CPM: variants seen among roughly 807,000 people sequenced by gnomAD.
The protein encoded by CPM is carboxypeptidase M, also known as renal carboxypeptidase.
CPM carries 35 observed loss-of-function variants against 46.4 expected under a neutral mutation model. The ratio of observed to expected loss-of-function variants is 0.75; its 90% CI spans 0.58 to 1.00. The LOEUF (loss-of-function observed/expected upper bound fraction) is 1.00. Among genes scored for constraint, CPM ranks in the 50% least tolerant of loss-of-function variants. The pLI, the probability that CPM is intolerant of heterozygous loss-of-function variation, is 0.00. For missense variants in CPM, 422 were observed against 530.4 expected (o/e 0.80, Z 2.01); for synonymous variants, 195 against 195.3 (o/e 1.00, Z 0.01).
intron 3 of CPM, among the ~76,000 whole-genome samples, chr12:68,876,325 A>G (rs1332764445): frequency 6.6e-6 from 1 of 152,228 alleles, no homozygotes; most frequent in Non-Finnish European, 1.5e-5. Flanking sequence ...CAGTTAAACA[A>G]AATCCTCCTT....
chr12:68,913,739 C>A (rs73146655), intron 2 of CPM: 52,813 of 430,228 alleles, frequency 0.12, 3,443 homozygotes, highest in African/African-American at 0.16. Flanking sequence ...AGGCTACTCA[C>A]TGCTGGTAGT....
rs139934759 is a variant in CPM at position 68,859,991 on chromosome 12, C to T, written c.941-920G>A. ...GCTACAATAGTAAGATGATCTTGAA[C>T]TCTCCCCAAACAGTTATGCTCAATA... On this transcript the variant is annotated intron_variant, in intron 7 of 8. Transcript: ENST00000551568. 6.0e-3 allele frequency among the ~76,000 whole-genome samples: 920 copies of T among 152,268 alleles called. 8 individuals carry two copies. The highest frequency in any genetic ancestry group is 0.021 in the African/African-American group (887 of 41,544).
chr12:68,877,765 T>C (rs1886023175), intron 3 of CPM, among the ~76,000 whole-genome samples: 1 of 152,182 alleles, frequency 6.6e-6, no homozygotes, highest in Non-Finnish European at 1.5e-5. Context: ...AGCTTTAATG[T>C]TGTGTTTTGG....
chr12:68,947,934 C>T (rs937367286), intron 1 of CPM, among the ~76,000 whole-genome samples: 3 of 152,130 alleles, frequency 2.0e-5, no homozygotes, highest in Admixed American at 6.5e-5. Context: ...CATACCCACT[C>T]GCCAAACAGC....
rs1224834009 is a variant in CPM at position 68,852,204 on chromosome 12, T to C, written c.*4233A>G. On this transcript the variant is annotated 3_prime_UTR_variant, in exon 9 of 9. Transcript: ENST00000551568. Reference sequence around the variant, plus strand: ...CATTTCAGATACATCCAACAGTTCATGTCTGAATGTAATTAAGCATCCAAA... The same window carrying C: ...CATTTCAGATACATCCAACAGTTCACGTCTGAATGTAATTAAGCATCCAAA... 1.3e-5 allele frequency: 2 copies of C among 152,258 alleles called. No homozygotes were observed. Among genetic ancestry groups the C allele is most frequent in the Non-Finnish European group, 2.9e-5 (2 of 68,044 alleles). 9.4% of individuals were successfully genotyped at this position (152,258 alleles called of 1,614,324 possible).
intron 3 of CPM, among the ~76,000 whole-genome samples, chr12:68,879,015 C>G (rs1886076786): frequency 6.6e-6 from 1 of 152,040 alleles, no homozygotes; most frequent in African/African-American, 2.4e-5. Context: ...CTGTGGGACC[C>G]CATCTCTACA....
intron 1 of CPM, among the ~76,000 whole-genome samples, chr12:68,946,928 C>CA (rs1888857576): frequency 6.6e-6 from 1 of 152,168 alleles, no homozygotes; most frequent in Non-Finnish European, 1.5e-5. Flanking sequence ...CTGAAAAACA[C>CA]AAAGAATAAG....
chr12:68,901,545 G>C (rs1195704468), intron 2 of CPM, among the ~76,000 whole-genome samples: 1 of 152,206 alleles, frequency 6.6e-6, no homozygotes, highest in Non-Finnish European at 1.5e-5. Context: ...AAAAAATCAT[G>C]TGAAAATTTT....
At chr12:68,919,762 A>G (rs1163599917) in intron 2 of CPM, among the ~76,000 whole-genome samples, 7 of 152,268 alleles carry the variant, frequency 4.6e-5, no homozygotes, top group African/African-American at 1.7e-4. Flanking sequence ...AGCTAGGCTT[A>G]TCTCTACCAC....
At chr12:68,899,937 A>G (rs769112481) in intron 2 of CPM, among the ~76,000 whole-genome samples, 1 of 152,194 alleles carries the variant, frequency 6.6e-6, no homozygotes, top group Non-Finnish European at 1.5e-5. Flanking sequence ...GGAGCTCATG[A>G]GAGAGATAAA....
chr12:68,933,008 C>T (rs1888577925), intron 1 of CPM, 134 bp downstream of exon 1: 2 of 584,586 alleles, frequency 3.4e-6, no homozygotes, highest in Non-Finnish European at 5.9e-6. Flanking sequence ...GCCGTGCAAC[C>T]AGAGACCGGG....
intron 2 of CPM, among the ~76,000 whole-genome samples, chr12:68,911,009 G>A (rs936699612): frequency 1.2e-4 from 19 of 152,088 alleles, no homozygotes; most frequent in Non-Finnish European, 2.5e-4. Context: ...CATTCACATT[G>A]TCGAGTATAT....
At chr12:68,847,816 A>C (rs1884438224), downstream of CPM, 1 of 152,250 alleles carries the variant, frequency 6.6e-6, no homozygotes, top group Non-Finnish European at 1.5e-5. Context: ...GTTGATTGGC[A>C]TTGAAAGCAA....
chr12:68,865,101 A>AT (rs1275997735), intron 7 of CPM, among the ~76,000 whole-genome samples: 2 of 152,220 alleles, frequency 1.3e-5, no homozygotes, highest in African/African-American at 4.8e-5. Context: ...TGTTAGACTA[A>AT]TACATGACAT....
At chr12:68,860,517 A>C (rs1885162973) in intron 7 of CPM, among the ~76,000 whole-genome samples, 2 of 151,342 alleles carry the variant, frequency 1.3e-5, no homozygotes, top group African/African-American at 4.9e-5. Flanking sequence ...CTTGTCTTGA[A>C]CTCCTGGGCT....
intron 1 of CPM, among the ~76,000 whole-genome samples, chr12:68,958,774 G>A (rs1004354587): frequency 6.6e-6 from 1 of 152,072 alleles, no homozygotes; most frequent in Non-Finnish European, 1.5e-5. Flanking sequence ...CAAACCCAAA[G>A]CCTCTTCCTT....
At chr12:68,931,674 A>G (rs1152938) in intron 2 of CPM, among the ~76,000 whole-genome samples, 134,930 of 148,646 alleles carry the variant, frequency 0.91, 61,483 homozygotes, top group East Asian at 1. Flanking sequence ...GAACTCAGGA[A>G]GCCGGAGGTT....
chr12:68,847,657 G>A (rs913820707), downstream of CPM: 2 of 151,576 alleles, frequency 1.3e-5, no homozygotes, highest in Admixed American at 6.6e-5. Flanking sequence ...GTTTCACCGT[G>A]TTAGCCAAGA....
At chr12:68,857,387 C>G (rs1027342980) in intron 8 of CPM, among the ~76,000 whole-genome samples, 1 of 152,120 alleles carries the variant, frequency 6.6e-6, no homozygotes, top group Non-Finnish European at 1.5e-5. Flanking sequence ...GTCTTGAACT[C>G]CTGACCTCAA....
Sources: gnomAD v4.1 joint callset for allele counts (sites outside exome capture counted in the v4.1 genomes callset) on GRCh38, gnomAD v4.1.1 for gene constraint, MANE v1.5 for transcripts, NCBI Gene and HGNC (gene_info 2026-07-23, HGNC 2026-07-21) for gene names.